Variants in OPCML observed in about 807,000 individuals in gnomAD.
OPCML encodes the protein opioid-binding protein/cell adhesion molecule.
In OPCML, 13 loss-of-function variants were observed where a neutral mutation model predicts 37.8. The ratio of observed to expected loss-of-function variants is 0.34; its 90% CI spans 0.22 to 0.55. The LOEUF (loss-of-function observed/expected upper bound fraction) is 0.55, where lower values mean the gene tolerates loss of function less well. OPCML is among the 20% of genes least tolerant of loss of function. The probability of loss-of-function intolerance (pLI) is 0.91; values close to 1 mark genes in which losing one functional copy is unlikely to be tolerated. For missense variants in OPCML, 341 were observed against 435.6 expected (o/e 0.78, Z 1.93); for synonymous variants, 176 against 168.8 (o/e 1.04, Z -0.33).
intron 1 of OPCML, among the ~76,000 whole-genome samples, chr11:133,076,106 TA>T (rs1430124805): frequency 6.6e-6 from 1 of 152,222 alleles, no homozygotes; most frequent in Non-Finnish European, 1.5e-5. Context: ...TATAAACATA[TA>T]TAAAAATCTG....
chr11:132,891,430 G>T (rs1412044114), intron 2 of OPCML, among the ~76,000 whole-genome samples: 3 of 151,984 alleles, frequency 2.0e-5, no homozygotes, highest in Admixed American at 6.6e-5. Flanking sequence ...TTAAAACTGA[G>T]TTTGTTTATG....
intron 1 of OPCML, among the ~76,000 whole-genome samples, chr11:133,345,727 C>T (rs1017718438): frequency 1.3e-5 from 2 of 152,160 alleles, no homozygotes; most frequent in African/African-American, 4.8e-5. Flanking sequence ...TCTTCAGATC[C>T]GTGAAGAAAG....
chr11:132,761,134 C>G (rs960865074), intron 2 of OPCML, among the ~76,000 whole-genome samples: 2 of 151,530 alleles, frequency 1.3e-5, no homozygotes, highest in African/African-American at 4.9e-5. Context: ...CCCCCACTCT[C>G]TTCTGGCTTG....
At chr11:133,407,734 G>A (rs1320713870) in intron 1 of OPCML, among the ~76,000 whole-genome samples, 2 of 152,226 alleles carry the variant, frequency 1.3e-5, no homozygotes, top group Non-Finnish European at 2.9e-5. Flanking sequence ...CAGAGACTGT[G>A]GTCAGAGAGG....
intron 1 of OPCML, chr11:133,003,737 C>T (rs1239690546): frequency 1.0e-6 from 1 of 985,286 alleles, no homozygotes; most frequent in Non-Finnish European, 1.2e-6. Flanking sequence ...ATCTGACTTC[C>T]TGGAGGCCAT....
At chr11:132,975,554 A>C (rs1211726370) in intron 1 of OPCML, among the ~76,000 whole-genome samples, 5 of 43,954 alleles carry the variant, frequency 1.1e-4, no homozygotes, top group East Asian at 1.3e-3. Context: ...AAAAAAAAAA[A>C]AAAAAAAAAA....
intron 1 of OPCML, among the ~76,000 whole-genome samples, chr11:133,041,633 G>T (rs987991261): frequency 6.6e-6 from 1 of 152,136 alleles, no homozygotes; most frequent in Non-Finnish European, 1.5e-5. Flanking sequence ...ACTTTTTCGT[G>T]TTTTTCAAAG....
intron 4 of OPCML, among the ~76,000 whole-genome samples, chr11:132,510,954 G>A (rs1447030762): frequency 6.6e-6 from 1 of 152,102 alleles, no homozygotes; most frequent in African/African-American, 2.4e-5. Context: ...TTAATATCAT[G>A]TTACTGGAGA....
chr11:133,109,365 C>T (rs1264257029), intron 1 of OPCML, among the ~76,000 whole-genome samples: 1 of 152,106 alleles, frequency 6.6e-6, no homozygotes, highest in African/African-American at 2.4e-5. Context: ...GGGTGGTCGG[C>T]TTTTATTCCC....
At position 133,481,878 on chromosome 11, in the gene OPCML, G is replaced by T. The variant is rs376657311; in HGVS notation, c.61+50386C>A. Reference sequence around the variant, plus strand: ...GACACTGAGGCCCTTCTATTCCAGGGATGGCAAGTAAAATGGACCGACCTA... The same window carrying T: ...GACACTGAGGCCCTTCTATTCCAGGTATGGCAAGTAAAATGGACCGACCTA... On this transcript the variant is annotated intron_variant, in intron 1 of 7. Transcript: ENST00000524381. Among the ~76,000 whole-genome samples the T allele has an allele frequency of 1.1e-4, 16 of 152,318 alleles. No individual in the cohort carries two copies. In the East Asian group the frequency reaches 2.7e-3, roughly 26 times the overall value.
intron 2 of OPCML, among the ~76,000 whole-genome samples, chr11:132,926,422 G>A (rs943925434): frequency 1.1e-4 from 16 of 152,132 alleles, no homozygotes; most frequent in Non-Finnish European, 2.1e-4. Flanking sequence ...TAAGGCCCCT[G>A]AGAAGAAACT....
intron 1 of OPCML, among the ~76,000 whole-genome samples, chr11:133,078,712 C>G (rs1417450571): frequency 6.6e-6 from 1 of 152,054 alleles, no homozygotes; most frequent in East Asian, 1.9e-4. Flanking sequence ...CTGAGCGCCA[C>G]AATGCTCGCT....
intron 7 of OPCML, among the ~76,000 whole-genome samples, chr11:132,420,804 C>T (rs1273877817): frequency 6.6e-6 from 1 of 152,146 alleles, no homozygotes; most frequent in Non-Finnish European, 1.5e-5. Flanking sequence ...GTTGTGGAGG[C>T]TCCTCCTGCA....
intron 1 of OPCML, among the ~76,000 whole-genome samples, chr11:132,989,052 C>A (rs1475860177): frequency 6.6e-6 from 1 of 152,202 alleles, no homozygotes; most frequent in African/African-American, 2.4e-5. Flanking sequence ...ATTGGAGAAG[C>A]TGCGAATGTT....
chr11:133,088,618 G>T lies in OPCML; in HGVS notation c.62-145608C>A, dbSNP rs1037054355. Among the ~76,000 whole-genome samples the T allele has an allele frequency of 3.9e-5, 6 of 152,194 alleles. No homozygotes were observed. In the South Asian group the frequency reaches 1.0e-3, roughly 26 times the overall value. ...ACTTGATATCAAGCTAAAACATGCG[G>T]TGGTTTCAGTTTAATTCAAATAGTG... On this transcript the variant is annotated intron_variant, in intron 1 of 7. Coordinates refer to ENST00000524381, the MANE Select transcript of OPCML (RefSeq NM_001012393.5).
chr11:132,732,434 G>A (rs149868547), intron 2 of OPCML, among the ~76,000 whole-genome samples: 1 of 152,138 alleles, frequency 6.6e-6, no homozygotes, highest in African/African-American at 2.4e-5. Context: ...GTATTGATGG[G>A]TTTATCTTGA....
intron 2 of OPCML, among the ~76,000 whole-genome samples, chr11:132,917,634 G>A (rs1182216895): frequency 6.6e-6 from 1 of 152,224 alleles, no homozygotes; most frequent in Admixed American, 6.5e-5. Flanking sequence ...TCTAGAAGCT[G>A]TAGGTTTTCT....
intron 2 of OPCML, among the ~76,000 whole-genome samples, chr11:132,900,802 T>C (rs991133194): frequency 6.6e-6 from 1 of 152,256 alleles, no homozygotes; most frequent in East Asian, 1.9e-4. Flanking sequence ...CTAGTCCAAA[T>C]CTTCCTCTCA....
intron 4 of OPCML, among the ~76,000 whole-genome samples, chr11:132,510,989 A>G (rs927825449): frequency 1.3e-5 from 2 of 152,198 alleles, no homozygotes; most frequent in Non-Finnish European, 2.9e-5. Context: ...ATAAGACAAG[A>G]AAAATTAATA....
Sources: allele counts gnomAD v4.1 joint callset (sites outside exome capture counted in the v4.1 genomes callset), GRCh38; gene constraint gnomAD v4.1.1; transcripts MANE v1.5; gene names NCBI Gene and HGNC (gene_info 2026-07-23, HGNC 2026-07-21).